Variants in DPP4 observed in about 807,000 individuals in gnomAD.
DPP4 encodes ADCP-2.
DPP4 carries 93 observed loss-of-function variants against 122.4 expected under a neutral mutation model. That is an observed-to-expected ratio of 0.76 (90% CI 0.64 to 0.90). DPP4 has a LOEUF of 0.90. DPP4 is among the 40% of genes least tolerant of loss of function. DPP4 has a pLI of 0.00. For synonymous variants in DPP4, 321 were observed against 302.9 expected (o/e 1.06, Z -0.62); for missense variants, 914 against 907.3 (o/e 1.01, Z -0.09).
At chr2:162,024,674 G>T in intron 11 of DPP4, 130 bp downstream of exon 11, 1 of 1,259,372 alleles carries the variant, frequency 7.9e-7, no homozygotes, top group Non-Finnish European at 1.1e-6. Context: ...ATTGCCTCAG[G>T]ATCAGACAGA....
chr2:162,073,027 A>T (rs1051116113), intron 2 of DPP4, among the ~76,000 whole-genome samples: 8 of 152,096 alleles, frequency 5.3e-5, no homozygotes, highest in African/African-American at 1.9e-4. Flanking sequence ...CTCTTTAAAC[A>T]CTGCCTTTTT....
chr2:162,011,975 TGGGC>T lies in DPP4; in HGVS notation c.1646_1649del (p.Gly549AspfsTer12). The T allele has an allele frequency of 6.2e-7, 1 of 1,612,986 alleles. No homozygotes were observed. The highest frequency in any genetic ancestry group is 1.3e-5 in the African/African-American group (1 of 75,000). On this transcript the variant is annotated frameshift_variant, in exon 20 of 26. Coordinates refer to ENST00000360534, the MANE Select transcript of DPP4 (RefSeq NM_001935.4). LOFTEE classifies it high-confidence loss of function. Reference sequence around the variant, plus strand: ...AGACAGTGTCTGCTTTTTGACTACATGGGCCTGCATACCTATGAAAAATACCAAA... The same window carrying T: ...AGACAGTGTCTGCTTTTTGACTACATCTGCATACCTATGAAAAATACCAAA...
chr2:162,022,667 T>A (rs973459482), intron 12 of DPP4, 88 bp downstream of exon 12: 1 of 1,240,164 alleles, frequency 8.1e-7, no homozygotes, highest in African/African-American at 1.5e-5. Context: ...TAATAACGTA[T>A]CACTTAGAGC....
chr2:162,024,989 A>G (rs370355329), intron 10 of DPP4, 50 bp from the exon 11 acceptor site: 26 of 1,596,406 alleles, frequency 1.6e-5, no homozygotes, highest in Non-Finnish European at 2.2e-5. Flanking sequence ...GAACATGACT[A>G]TTGCCAGACC....
intron 12 of DPP4, chr2:162,021,549 G>T (rs1318703824): frequency 2.0e-5 from 3 of 152,168 alleles, no homozygotes; most frequent in Non-Finnish European, 4.4e-5. Flanking sequence ...TTTTGGGAAG[G>T]AAGAAAAATG....
At chr2:162,019,161 A>G in intron 15 of DPP4, 62 bp downstream of exon 15, 1 of 1,415,516 alleles carries the variant, frequency 7.1e-7, no homozygotes, top group South Asian at 1.2e-5. Context: ...AAATAAAAAT[A>G]GAGTTCAGAA....
At chr2:162,071,294 A>G (rs1270870198) in intron 2 of DPP4, among the ~76,000 whole-genome samples, 3 of 152,126 alleles carry the variant, frequency 2.0e-5, no homozygotes, top group Non-Finnish European at 1.5e-5. Flanking sequence ...GGAATATCTT[A>G]TCTCCAGAAA....
At chr2:162,006,399 A>C (rs1421603021) in intron 22 of DPP4, among the ~76,000 whole-genome samples, 2 of 152,148 alleles carry the variant, frequency 1.3e-5, no homozygotes, top group East Asian at 1.9e-4. Flanking sequence ...ACTGGGATTC[A>C]CTATAATAAA....
chr2:162,013,302 T>C (rs901523701), intron 19 of DPP4, among the ~76,000 whole-genome samples: 2 of 152,318 alleles, frequency 1.3e-5, no homozygotes, highest in South Asian at 4.1e-4. Context: ...GATGCTTTTT[T>C]AGCATTGGAG....
chr2:162,000,056 C>T (rs1701106843), intron 23 of DPP4, among the ~76,000 whole-genome samples: 1 of 152,166 alleles, frequency 6.6e-6, no homozygotes, highest in South Asian at 2.1e-4. Flanking sequence ...TCATATTCTA[C>T]TGGCACTTGA....
Position 161,995,368 on chromosome 2 carries a change from G to A in DPP4, c.2057C>T (p.Ser686Leu), listed in dbSNP as rs1485308827. The A allele has an allele frequency of 1.2e-6, 2 of 1,612,668 alleles. No homozygotes were observed. The highest frequency in any genetic ancestry group is 2.7e-5 in the African/African-American group (2 of 74,874). ...PEDNLDHYRN[S>L]TVMSRAENFK... ...ATTTTCAGCTCTGCTCATGACTGTT[G>A]AATTCTGGAATTGGGAGAAAGAATG... The change falls in exon 24 of 26, where the codon TCA (serine) becomes TTA (leucine). Residue 686 changes from serine to leucine, a missense_variant. Transcript: ENST00000360534.
chr2:161,995,003 G>A lies in DPP4; in HGVS notation c.2157C>T (p.Ile719=). The A allele has an allele frequency of 6.2e-7, 1 of 1,614,064 alleles. No individual in the cohort carries two copies. Among genetic ancestry groups the A allele is most frequent in the Admixed American group, 1.7e-5 (1 of 60,016 alleles). The change falls in exon 25 of 26, where the codon ATC becomes ATT. Residue 719 remains isoleucine (I), a synonymous_variant. Coordinates refer to ENST00000360534, the MANE Select transcript of DPP4 (RefSeq NM_001935.4). ...CTCCAACATCGACCAGGGCTTTGGA[G>A]ATCTGAGCTGACTGCTGAAAGTGAA... The part of the protein sequence containing the change: ...DNVHFQQSAQ[I]SKALVDVGVD...
chr2:162,036,057 A>T (rs1683758473), intron 8 of DPP4, among the ~76,000 whole-genome samples: 1 of 152,108 alleles, frequency 6.6e-6, no homozygotes, highest in Non-Finnish European at 1.5e-5. Context: ...CTTCCCTATG[A>T]TTATTATGGG....
intron 2 of DPP4, among the ~76,000 whole-genome samples, chr2:162,053,439 A>AG (rs1491145920): frequency 1.3e-5 from 2 of 151,942 alleles, no homozygotes; most frequent in Non-Finnish European, 2.9e-5. Context: ...AAAAAAAAAA[A>AG]CAAAAATAAC....
At chr2:162,051,934 G>A (rs1684397004) in intron 2 of DPP4, among the ~76,000 whole-genome samples, 1 of 152,178 alleles carries the variant, frequency 6.6e-6, no homozygotes, top group African/African-American at 2.4e-5. Context: ...GAAAGATGGT[G>A]TCCCATCCAA....
intron 5 of DPP4, 29 bp from the exon 6 acceptor site, chr2:162,039,213 T>G: frequency 6.2e-7 from 1 of 1,606,712 alleles, no homozygotes; most frequent in Admixed American, 1.7e-5. Flanking sequence ...ATTTCAGGCT[T>G]CTGTGATACT....
Position 162,059,656 on chromosome 2 carries a change from C to T in DPP4, c.95-12155G>A, listed in dbSNP as rs537608018. On this transcript the variant is annotated intron_variant, in intron 2 of 25. Transcript: ENST00000360534. Reference sequence around the variant, plus strand: ...ACACTGACTCATTGAAGAAGTCTCCCGAAGATTTATAAGTGTAATCAACAA... The same window carrying T: ...ACACTGACTCATTGAAGAAGTCTCCTGAAGATTTATAAGTGTAATCAACAA... Among the ~76,000 whole-genome samples, 41 of 152,140 alleles carry T rather than the reference C, an allele frequency of 2.7e-4. 1 individual carries two copies. Among genetic ancestry groups the T allele is most frequent in the Admixed American group, 1.6e-3 (24 of 15,282 alleles).
At chr2:162,054,957 C>G (rs1386099423) in intron 2 of DPP4, among the ~76,000 whole-genome samples, 2 of 152,272 alleles carry the variant, frequency 1.3e-5, no homozygotes, top group African/African-American at 4.8e-5. Context: ...ATATGTTACA[C>G]TGCACATTAT....
At chr2:161,996,560 G>A (rs955536936) in intron 23 of DPP4, among the ~76,000 whole-genome samples, 2 of 152,184 alleles carry the variant, frequency 1.3e-5, no homozygotes, top group Admixed American at 6.5e-5. Context: ...TATGCAACTG[G>A]AGGTATGCTG....
Sources: allele counts gnomAD v4.1 joint callset (sites outside exome capture counted in the v4.1 genomes callset), GRCh38; gene constraint gnomAD v4.1.1; transcripts MANE v1.5; gene names NCBI Gene and HGNC (gene_info 2026-07-23, HGNC 2026-07-21).